Variants in SPTB observed in about 807,000 individuals in gnomAD.
SPTB encodes spectrin beta, erythrocytic, also known as spectrin beta chain, erythrocytic.
A neutral mutation model predicts 256.2 loss-of-function variants in SPTB; 45 were observed. The ratio of observed to expected loss-of-function variants is 0.18; its 90% CI spans 0.14 to 0.23. The LOEUF (loss-of-function observed/expected upper bound fraction) is 0.23. Ranked by LOEUF, SPTB falls within the 10% of genes least tolerant of loss-of-function variation. The pLI is 1.00. For missense variants in SPTB, 2,715 were observed against 3,040.4 expected (o/e 0.89, Z 2.52); for synonymous variants, 1,231 against 1,243.1 (o/e 0.99, Z 0.21).
At position 64,845,276 on chromosome 14, in the gene SPTB, G is replaced by A. The variant is rs999375780; in HGVS notation, c.-51-22131C>T. Among the ~76,000 whole-genome samples, 5 of 152,178 alleles carry A rather than the reference G, an allele frequency of 3.3e-5. No homozygotes were observed. The highest frequency in any genetic ancestry group is 1.9e-4 in the East Asian group (1 of 5,204). On this transcript the variant is annotated intron_variant, in intron 1 of 35. Coordinates refer to ENST00000644917, the MANE Select transcript of SPTB (RefSeq NM_001355436.2). The surrounding 1 kb of genome is among the most constrained non-coding windows in gnomAD (Gnocchi z 4.8). ...TTTTTTCCTTTGAACAGAAGTAGCCGCTTAGCCCGCCAAAAGATTGGTAGT... is the reference window on the plus strand; with the variant it reads ...TTTTTTCCTTTGAACAGAAGTAGCCACTTAGCCCGCCAAAAGATTGGTAGT...
At chr14:64,822,049 C>G (rs1406062322) in intron 2 of SPTB, among the ~76,000 whole-genome samples, 1 of 151,882 alleles carries the variant, frequency 6.6e-6, no homozygotes, top group Non-Finnish European at 1.5e-5. Context: ...AGGTTGTACT[C>G]TTCTTAGGAG....
rs1025226037 is a variant in SPTB at position 64,845,924 on chromosome 14, T to A, written c.-51-22779A>T. Among the ~76,000 whole-genome samples, 1 of 152,370 alleles carries A rather than the reference T, an allele frequency of 6.6e-6. No individual in the cohort carries two copies. The highest frequency in any genetic ancestry group is 1.5e-5 in the Non-Finnish European group (1 of 68,026). On this transcript the variant is annotated intron_variant, in intron 1 of 35. Coordinates refer to ENST00000644917, the MANE Select transcript of SPTB (RefSeq NM_001355436.2). This position sits in a 1 kb window ranked among gnomAD's most constrained non-coding sequence, Gnocchi z 4.8. ...CAAAAAAAACCCGCTCTACATTTTA[T>A]GCATAAAGTAGGTAGAGTATGGAGT...
chr14:64,857,007 C>G (rs2083884781), intron 1 of SPTB, among the ~76,000 whole-genome samples: 1 of 152,172 alleles, frequency 6.6e-6, no homozygotes, highest in Non-Finnish European at 1.5e-5. Flanking sequence ...TTCATATGGT[C>G]CTGTGAAACC....
chr14:64,783,842 A>C (rs573106560), intron 19 of SPTB, among the ~76,000 whole-genome samples: 1 of 152,338 alleles, frequency 6.6e-6, no homozygotes, highest in East Asian at 1.9e-4. Context: ...GGTTCTGTCC[A>C]TCCAAATGAT....
In SPTB at chr14:64,779,293, A is replaced by G. The variant is rs1107633; in HGVS notation, c.4474-47T>C. 91,065 of 1,513,306 alleles carry G rather than the reference A, an allele frequency of 0.06. 3,511 individuals are homozygous for G. The highest frequency in any genetic ancestry group is 0.2 in the East Asian group (8,584 of 43,572). 93.7% of individuals were successfully genotyped at this position (1,513,306 alleles called of 1,614,324 possible). A position where few individuals can be genotyped will look rare whatever the true frequency, so the allele number is the denominator to read the frequency against. The stretch of plus-strand genomic sequence containing the variant: ...AGAGAGCTGATGACAATCACGGCCA[A>G]CCTTTCCTGAGTGCTCACCATGGGC... On this transcript the variant is annotated intron_variant, in intron 21 of 35. Transcript: ENST00000644917. This position sits in a 1 kb window ranked among gnomAD's most constrained non-coding sequence, Gnocchi z 4.2.
In SPTB at chr14:64,796,670, G is replaced by T. The variant is rs764345236; in HGVS notation, c.1228C>A (p.Leu410Met). 1.2e-6 allele frequency: 2 copies of T among 1,614,176 alleles called. No homozygotes were observed. Among genetic ancestry groups the T allele is most frequent in the Non-Finnish European group, 1.7e-6 (2 of 1,180,040 alleles). The part of the protein sequence containing the change: ...EEAEYRRELA[L>M]RNELIRQEKL... ...TCCTGCCGAATGAGCTCATTTCTCA[G>T]GGCCAGCTCCCGCCGATACTCAGCT... The change falls in exon 11 of 36, where the codon CTG (leucine) becomes ATG (methionine). Residue 410 changes from leucine to methionine, a missense_variant. Leu to Met is a conservative substitution (Grantham distance 15, BLOSUM62 2). Coordinates refer to ENST00000644917, the MANE Select transcript of SPTB (RefSeq NM_001355436.2). The surrounding 1 kb of genome is among the most constrained non-coding windows in gnomAD (Gnocchi z 4.1).
Position 64,767,741 on chromosome 14 carries a change from G to T in SPTB, c.6141C>A (p.Leu2047=). The stretch of plus-strand genomic sequence containing the variant: ...TCTCAAAAGCCTCATGCCTCTTGAT[G>T]AGCTTCTCCACACTGTCCACTGTGT... ...FGHTVDSVEK[L]IKRHEAFEKS... is the part of the protein sequence containing the mutation. The change falls in exon 30 of 36, where the codon CTC becomes CTA. Residue 2047 remains leucine (L), a synonymous_variant. Transcript: ENST00000644917. 6.2e-7 allele frequency: 1 copy of T among 1,614,170 alleles called. No individual in the cohort carries two copies. Among genetic ancestry groups the T allele is most frequent in the African/African-American group, 1.3e-5 (1 of 75,034 alleles).
At chr14:64,831,300 T>G (rs984206906) in intron 1 of SPTB, among the ~76,000 whole-genome samples, 1 of 152,246 alleles carries the variant, frequency 6.6e-6, no homozygotes, top group Admixed American at 6.5e-5. Context: ...CGCCTTCACT[T>G]TAACATGCAC....
At position 64,873,844 on chromosome 14, in the gene SPTB, C is replaced by T. The variant is rs1395628417; in HGVS notation, c.-52+5948G>A. Among the ~76,000 whole-genome samples the T allele has an allele frequency of 6.6e-6, 1 of 152,182 alleles. No homozygotes were observed. The highest frequency in any genetic ancestry group is 1.5e-5 in the Non-Finnish European group (1 of 68,024). Reference sequence around the variant, plus strand: ...AGTATATAAATGTACATTTCTAATCCTGTTTTGTAACTGGAAACCAGGAAT... The same window carrying T: ...AGTATATAAATGTACATTTCTAATCTTGTTTTGTAACTGGAAACCAGGAAT... On this transcript the variant is annotated intron_variant, in intron 1 of 35. Coordinates refer to ENST00000644917, the MANE Select transcript of SPTB (RefSeq NM_001355436.2). The surrounding 1 kb of genome is among the most constrained non-coding windows in gnomAD (Gnocchi z 4.3).
At chr14:64,848,667 C>T (rs897342774) in intron 1 of SPTB, among the ~76,000 whole-genome samples, 4 of 152,366 alleles carry the variant, frequency 2.6e-5, no homozygotes, top group African/African-American at 9.6e-5. Context: ...CACTAACACA[C>T]AGAGAGTCCA....
intron 32 of SPTB, chr14:64,755,827 A>G (rs975000062): frequency 1.3e-5 from 2 of 152,248 alleles, no homozygotes; most frequent in Non-Finnish European, 2.9e-5. Flanking sequence ...CTGCATGCTA[A>G]GGAGGGAAAG....
chr14:64,748,030 G>A lies in SPTB; in HGVS notation c.*1276C>T, dbSNP rs1407045015. On this transcript the variant is annotated 3_prime_UTR_variant, in exon 36 of 36. Coordinates refer to ENST00000644917, the MANE Select transcript of SPTB (RefSeq NM_001355436.2). ...GGAGGGTGGTAGATATTTGACCTCT[G>A]TACTCATGTGACCCCCTCCCCGCCA... 6.6e-6 allele frequency: 1 copy of A among 152,110 alleles called. No individual in the cohort carries two copies. 9.4% of individuals were successfully genotyped at this position (152,110 alleles called of 1,614,324 possible).
chr14:64,789,487 TA>T (rs2082632662), intron 15 of SPTB, among the ~76,000 whole-genome samples: 1 of 152,052 alleles, frequency 6.6e-6, no homozygotes, highest in African/African-American at 2.4e-5. Flanking sequence ...AAGGTAACAA[TA>T]TAGAGGCCAA....
rs1487145759 is a variant in SPTB, at chr14:64,845,772, C to A, written c.-51-22627G>T. Among the ~76,000 whole-genome samples, 1 of 152,132 alleles carries A rather than the reference C, an allele frequency of 6.6e-6. No homozygotes were observed. The highest frequency in any genetic ancestry group is 2.4e-5 in the African/African-American group (1 of 41,424). On this transcript the variant is annotated intron_variant, in intron 1 of 35. Coordinates refer to ENST00000644917, the MANE Select transcript of SPTB (RefSeq NM_001355436.2). This position sits in a 1 kb window ranked among gnomAD's most constrained non-coding sequence, Gnocchi z 4.8. ...GAGTTCTGCCATGGGCTCGCCTAGT[C>A]TCTTCATTGTTGAGTCAAATTATTT...
chr14:64,799,967 G>A (rs182373402), intron 8 of SPTB, 33 bp from the exon 9 acceptor site: 8 of 1,610,580 alleles, frequency 5.0e-6, no homozygotes, highest in Non-Finnish European at 6.8e-6. Context: ...ATTCTCATCA[G>A]AAGGGCAATG....
intron 1 of SPTB, among the ~76,000 whole-genome samples, chr14:64,878,785 AC>A (rs1304464965): frequency 2.9e-5 from 3 of 103,846 alleles, no homozygotes; most frequent in African/African-American, 1.1e-4. Context: ...CCCCCACCCC[AC>A]CCCCCAATCT....
rs1435395655 is a variant in SPTB, at chr14:64,853,061, C to T, written c.-52+26731G>A. ...AGCCTTTAAATGGATACCTATGGGACAAATAAGAGACAGGCAATGGGACAA... is the reference window on the plus strand; with the variant it reads ...AGCCTTTAAATGGATACCTATGGGATAAATAAGAGACAGGCAATGGGACAA... On this transcript the variant is annotated intron_variant, in intron 1 of 35. Coordinates refer to ENST00000644917, the MANE Select transcript of SPTB (RefSeq NM_001355436.2). The surrounding 1 kb of genome is among the most constrained non-coding windows in gnomAD (Gnocchi z 4.3). Among the ~76,000 whole-genome samples, 1 of 151,334 alleles carries T rather than the reference C, an allele frequency of 6.6e-6. No homozygotes were observed. Among genetic ancestry groups the T allele is most frequent in the East Asian group, 1.9e-4 (1 of 5,192 alleles).
Position 64,801,914 on chromosome 14 carries a change from T to C in SPTB, c.567-80A>G, listed in dbSNP as rs183976220. 1.8e-5 allele frequency: 25 copies of C among 1,357,750 alleles called. No individual in the cohort carries two copies. In the African/African-American group the frequency reaches 2.3e-4, roughly 12 times the overall value. 84.1% of individuals were successfully genotyped at this position (1,357,750 alleles called of 1,614,324 possible). A position where few individuals can be genotyped will look rare whatever the true frequency, so the allele number is the denominator to read the frequency against. On this transcript the variant is annotated intron_variant, in intron 5 of 35. Transcript: ENST00000644917. ...CAAGTGTACAAATTGAGGGCCAATA[T>C]ACCAGGAGAGAAATGGAACTGTCCT...
At chr14:64,754,787 C>T (rs1410386319) in intron 32 of SPTB, 2 of 152,278 alleles carry the variant, frequency 1.3e-5, no homozygotes, top group Non-Finnish European at 2.9e-5. Flanking sequence ...CTGGGCATCT[C>T]CTTATGCTAG....
Sources: gnomAD v4.1 joint callset for allele counts (sites outside exome capture counted in the v4.1 genomes callset) on GRCh38, gnomAD v4.1.1 for gene constraint, Gnocchi (gnomAD v3.1) non-coding constraint, MANE v1.5 for transcripts, NCBI Gene and HGNC (gene_info 2026-07-23, HGNC 2026-07-21) for gene names.